The following RAB11FIP4 variants were observed in gnomAD, a reference collection of about 807,000 sequenced individuals.
The protein encoded by RAB11FIP4 is rab11 family-interacting protein 4.
A neutral mutation model predicts 74.3 loss-of-function variants in RAB11FIP4; 23 were observed. The ratio of observed to expected loss-of-function variants is 0.31; its 90% CI spans 0.22 to 0.44. The LOEUF (loss-of-function observed/expected upper bound fraction) is 0.44, where lower values mean the gene tolerates loss of function less well. RAB11FIP4 is among the 20% of genes least tolerant of loss of function. The pLI, the probability that RAB11FIP4 is intolerant of heterozygous loss-of-function variation, is 1.00. For synonymous variants in RAB11FIP4, 360 were observed against 359.9 expected (o/e 1.00, Z 0.00); for missense variants, 630 against 863.9 (o/e 0.73, Z 3.39).
At position 31,537,021 on chromosome 17, in the gene RAB11FIP4, G is replaced by T; in HGVS notation, c.*5289G>T. 1 of 399,338 alleles carries T rather than the reference G, an allele frequency of 2.5e-6. No homozygotes were observed. Among genetic ancestry groups the T allele is most frequent in the Non-Finnish European group, 4.4e-6 (1 of 226,244 alleles). 24.7% of individuals were successfully genotyped at this position (399,338 alleles called of 1,614,324 possible). On this transcript the variant is annotated 3_prime_UTR_variant, in exon 15 of 15. Coordinates refer to ENST00000621161, the MANE Select transcript of RAB11FIP4 (RefSeq NM_032932.6). ...GGATGGCATCCAGGCCATGTCTCCT[G>T]CAGGATCCAAGTGCTGTTGTCCCCA...
intron 2 of RAB11FIP4, among the ~76,000 whole-genome samples, chr17:31,432,356 C>CTTT (rs749879395): frequency 2.9e-5 from 4 of 139,544 alleles, no homozygotes; most frequent in Non-Finnish European, 3.1e-5. Flanking sequence ...CCCGCCTCCT[C>CTTT]TTTTTTTTTT....
At chr17:31,428,981 T>G (rs1008937) in intron 1 of RAB11FIP4, among the ~76,000 whole-genome samples, 23,684 of 151,226 alleles carry the variant, frequency 0.16, 2,108 homozygotes, top group Non-Finnish European at 0.2. Flanking sequence ...TGATGATGAT[T>G]ATTATTATTA....
chr17:31,520,094 CAA>C (rs10612669), intron 4 of RAB11FIP4, among the ~76,000 whole-genome samples: 15,673 of 91,462 alleles, frequency 0.17, 1,012 homozygotes, highest in South Asian at 0.26. Context: ...ACTCTGTCTC[CAA>C]AAAAAAAAAA....
intron 1 of RAB11FIP4, among the ~76,000 whole-genome samples, chr17:31,414,736 C>T (rs1179114030): frequency 2.0e-5 from 3 of 152,218 alleles, no homozygotes; most frequent in Non-Finnish European, 2.9e-5. Flanking sequence ...ACTCCAAAGC[C>T]GCACAGGCCC....
At chr17:31,481,133 C>A (rs1408682740) in intron 3 of RAB11FIP4, among the ~76,000 whole-genome samples, 1 of 152,150 alleles carries the variant, frequency 6.6e-6, no homozygotes. Context: ...AATCAAAGAA[C>A]AAACGATCCC....
At chr17:31,448,993 AG>A (rs774177956) in intron 3 of RAB11FIP4, among the ~76,000 whole-genome samples, 4 of 152,122 alleles carry the variant, frequency 2.6e-5, no homozygotes, top group Non-Finnish European at 5.9e-5. Context: ...ATGTTTCTAA[AG>A]GTTCCTGAGG....
intron 3 of RAB11FIP4, among the ~76,000 whole-genome samples, chr17:31,439,964 T>C (rs1402078434): frequency 6.6e-6 from 1 of 152,158 alleles, no homozygotes; most frequent in Non-Finnish European, 1.5e-5. Context: ...TGATTATCAA[T>C]CTTTATGGAT....
At chr17:31,401,957 A>G (rs2070990639) in intron 1 of RAB11FIP4, among the ~76,000 whole-genome samples, 1 of 151,954 alleles carries the variant, frequency 6.6e-6, no homozygotes, top group African/African-American at 2.4e-5. Flanking sequence ...CCACCCATTC[A>G]TCCAACCATC....
intron 3 of RAB11FIP4, among the ~76,000 whole-genome samples, chr17:31,508,121 C>G (rs549280580): frequency 6.6e-6 from 1 of 152,340 alleles, no homozygotes; most frequent in South Asian, 2.1e-4. Context: ...AGCCACTGTG[C>G]CCGGCCCGTT....
intron 3 of RAB11FIP4, among the ~76,000 whole-genome samples, chr17:31,505,548 A>C (rs1337539569): frequency 1.1e-5 from 1 of 88,778 alleles, no homozygotes; most frequent in Non-Finnish European, 2.0e-5. Context: ...TATATATTAT[A>C]TATAATAATA....
intron 3 of RAB11FIP4, among the ~76,000 whole-genome samples, chr17:31,447,497 C>T (rs1228323436): frequency 6.6e-6 from 1 of 152,118 alleles, no homozygotes; most frequent in Non-Finnish European, 1.5e-5. Context: ...ATGAGAAAGA[C>T]TTTTATCAAT....
intron 3 of RAB11FIP4, among the ~76,000 whole-genome samples, chr17:31,482,502 A>G (rs954301087): frequency 1.3e-5 from 2 of 152,096 alleles, no homozygotes; most frequent in African/African-American, 4.8e-5. Context: ...GAGGCACAAG[A>G]ATCACCTGAA....
intron 1 of RAB11FIP4, among the ~76,000 whole-genome samples, chr17:31,417,433 C>T (rs1429106123): frequency 6.6e-6 from 1 of 152,216 alleles, no homozygotes; most frequent in Non-Finnish European, 1.5e-5. Context: ...AGGCACTGTC[C>T]TTTCCCCTCT....
intron 3 of RAB11FIP4, among the ~76,000 whole-genome samples, chr17:31,486,969 T>C (rs1243191684): frequency 6.6e-6 from 1 of 151,940 alleles, no homozygotes; most frequent in Non-Finnish European, 1.5e-5. Context: ...CGTGTGTGCA[T>C]GTGTGTGTGT....
chr17:31,447,761 G>A (rs994055187), intron 3 of RAB11FIP4, among the ~76,000 whole-genome samples: 3 of 152,162 alleles, frequency 2.0e-5, no homozygotes, highest in Non-Finnish European at 4.4e-5. Flanking sequence ...GACCTCAGGT[G>A]ATCTGCCCAC....
chr17:31,497,455 C>T (rs543311915), intron 3 of RAB11FIP4, among the ~76,000 whole-genome samples: 34 of 152,180 alleles, frequency 2.2e-4, no homozygotes, highest in South Asian at 4.1e-4. Context: ...CTGAGACAGA[C>T]GGAGGAGTTC....
chr17:31,456,200 C>T (rs17826730), intron 3 of RAB11FIP4, among the ~76,000 whole-genome samples: 1 of 152,112 alleles, frequency 6.6e-6, no homozygotes, highest in Non-Finnish European at 1.5e-5. Flanking sequence ...GCTGATTTGT[C>T]ATCCTGTGTA....
chr17:31,493,394 C>A (rs897576180), intron 3 of RAB11FIP4, among the ~76,000 whole-genome samples: 1 of 151,786 alleles, frequency 6.6e-6, no homozygotes, highest in Non-Finnish European at 1.5e-5. Context: ...TCTGTGGTCA[C>A]CCCCCACCCC....
intron 3 of RAB11FIP4, among the ~76,000 whole-genome samples, chr17:31,464,434 G>T (rs178881): frequency 0.83 from 126,175 of 152,104 alleles, 52,648 homozygotes; most frequent in African/African-American, 0.92. Context: ...GGATGGGGAT[G>T]GGACATTATC....
Sources: gnomAD v4.1 joint callset for allele counts (sites outside exome capture counted in the v4.1 genomes callset) on GRCh38, gnomAD v4.1.1 for gene constraint, MANE v1.5 for transcripts, NCBI Gene and HGNC (gene_info 2026-07-23, HGNC 2026-07-21) for gene names.